The following PTPRD variants were observed in gnomAD, a reference collection of about 807,000 sequenced individuals.
PTPRD encodes the protein protein tyrosine phosphatase receptor type D, also known as receptor-type tyrosine-protein phosphatase delta.
PTPRD carries 34 observed loss-of-function variants against 214.5 expected under a neutral mutation model. That is an observed-to-expected ratio of 0.16 (90% CI 0.12 to 0.21). The LOEUF (loss-of-function observed/expected upper bound fraction) is 0.21. PTPRD is among the 10% of genes least tolerant of loss of function. The pLI is 1.00. For synonymous variants in PTPRD, 1,128 were observed against 845.7 expected (o/e 1.33, Z -5.79); for missense variants, 2,545 against 2,398.7 (o/e 1.06, Z -1.27).
At chr9:8,504,990 A>G (rs1358349645) in intron 22 of PTPRD, among the ~76,000 whole-genome samples, 3 of 152,186 alleles carry the variant, frequency 2.0e-5, no homozygotes. Flanking sequence ...AGAAAGTTGA[A>G]TAATTTATCT....
At chr9:8,454,331 G>C (rs76775660) in intron 33 of PTPRD, among the ~76,000 whole-genome samples, 186 of 152,298 alleles carry the variant, frequency 1.2e-3, no homozygotes, top group Non-Finnish European at 2.1e-3. Context: ...ACAAAACTCA[G>C]ATATTGGTTT....
At chr9:10,443,375 T>A (rs1426260776) in intron 2 of PTPRD, among the ~76,000 whole-genome samples, 1 of 151,618 alleles carries the variant, frequency 6.6e-6, no homozygotes, top group Non-Finnish European at 1.5e-5. Context: ...TAACTTCACA[T>A]AGCCTGCAAG....
At chr9:10,437,199 G>A (rs1002325937) in intron 2 of PTPRD, among the ~76,000 whole-genome samples, 1 of 151,720 alleles carries the variant, frequency 6.6e-6, no homozygotes, top group Non-Finnish European at 1.5e-5. Flanking sequence ...AATGGTTTTG[G>A]AATCCACATT....
chr9:10,202,275 A>T (rs1179066438), intron 3 of PTPRD, among the ~76,000 whole-genome samples: 1 of 152,026 alleles, frequency 6.6e-6, no homozygotes, highest in Non-Finnish European at 1.5e-5. Context: ...CAGTCATAGC[A>T]TCCTCAGATT....
At chr9:10,497,432 C>T (rs1321906219) in intron 2 of PTPRD, among the ~76,000 whole-genome samples, 1 of 151,906 alleles carries the variant, frequency 6.6e-6, no homozygotes, top group African/African-American at 2.4e-5. Flanking sequence ...GCCTTTAATA[C>T]ATTGTTTGGT....
At chr9:10,213,286 C>T (rs967130805) in intron 3 of PTPRD, among the ~76,000 whole-genome samples, 12 of 152,054 alleles carry the variant, frequency 7.9e-5, no homozygotes, top group Admixed American at 2.6e-4. Context: ...TTATAACAAT[C>T]TACTCCTGAA....
chr9:10,430,902 G>C (rs187605272), intron 2 of PTPRD, among the ~76,000 whole-genome samples: 2 of 151,892 alleles, frequency 1.3e-5, no homozygotes, highest in East Asian at 1.9e-4. Context: ...AAAATGCTTT[G>C]ATTATATGGA....
At chr9:8,871,440 G>A (rs1280377170) in intron 11 of PTPRD, among the ~76,000 whole-genome samples, 1 of 152,122 alleles carries the variant, frequency 6.6e-6, no homozygotes, top group Non-Finnish European at 1.5e-5. Context: ...AACATCTTTA[G>A]AAAATGAAAT....
chr9:8,538,906 A>G (rs2077640980), intron 14 of PTPRD, among the ~76,000 whole-genome samples: 1 of 151,862 alleles, frequency 6.6e-6, no homozygotes, highest in Non-Finnish European at 1.5e-5. Context: ...CCTTAGAGAA[A>G]TCACTGATTC....
intron 5 of PTPRD, among the ~76,000 whole-genome samples, chr9:9,911,158 T>C (rs2079073512): frequency 6.6e-6 from 1 of 152,024 alleles, no homozygotes; most frequent in African/African-American, 2.4e-5. Context: ...AACAAGGCTT[T>C]CACATTTCTA....
At chr9:9,330,382 T>C (rs1323371568) in intron 9 of PTPRD, among the ~76,000 whole-genome samples, 2 of 152,172 alleles carry the variant, frequency 1.3e-5, no homozygotes, top group Non-Finnish European at 2.9e-5. Context: ...CGCAGACTTT[T>C]TAAAATAAGG....
chr9:8,497,477 T>C (rs961858864), intron 25 of PTPRD, among the ~76,000 whole-genome samples: 3 of 152,178 alleles, frequency 2.0e-5, no homozygotes, highest in African/African-American at 7.2e-5. Flanking sequence ...CTGTTATCAC[T>C]AAAACCAGCT....
intron 19 of PTPRD, among the ~76,000 whole-genome samples, chr9:8,521,830 A>T (rs1447253356): frequency 6.6e-6 from 1 of 152,222 alleles, no homozygotes; most frequent in Non-Finnish European, 1.5e-5. Flanking sequence ...ACAAACTAAC[A>T]ATACACAAAC....
chr9:10,238,410 A>T (rs2099636194), intron 3 of PTPRD, among the ~76,000 whole-genome samples: 6 of 151,922 alleles, frequency 3.9e-5, no homozygotes, highest in Admixed American at 3.3e-4. Context: ...CTTTCAGAAC[A>T]ATATGTAACA....
chr9:9,906,028 G>C (rs574449150), intron 5 of PTPRD, among the ~76,000 whole-genome samples: 1 of 152,056 alleles, frequency 6.6e-6, no homozygotes, highest in Admixed American at 6.6e-5. Flanking sequence ...AAGTACAGCT[G>C]AGAAGCATGT....
At chr9:8,666,843 C>A (rs912950302) in intron 12 of PTPRD, among the ~76,000 whole-genome samples, 1 of 152,150 alleles carries the variant, frequency 6.6e-6, no homozygotes, top group African/African-American at 2.4e-5. Context: ...TCACTTTGGC[C>A]ATCCATGACC....
chr9:8,389,304 G>C lies in PTPRD; in HGVS notation c.4314C>G (p.Asp1438Glu), dbSNP rs1416079686. ...GTTGTTCCCATATCATTCTCCAAAA[G>C]TCCCCAAATGTTTCGGGGAGAGATC... ...TQGSLPETFG[D>E]FWRMIWEQRS... Residue 1438 changes from aspartate (D) to glutamate (E), a missense_variant, in exon 37 of 46, where the codon GAC (aspartate) becomes GAG (glutamate). By Grantham distance (45) the Asp-to-Glu change is conservative (BLOSUM62 2). Coordinates refer to ENST00000381196, the MANE Select transcript of PTPRD (RefSeq NM_002839.4). 3 of 1,612,978 alleles carry C rather than the reference G, an allele frequency of 1.9e-6. No individual in the cohort carries two copies. The highest frequency in any genetic ancestry group is 3.3e-5 in the Admixed American group (2 of 59,930).
chr9:9,167,207 T>G (rs1232444036), intron 10 of PTPRD, among the ~76,000 whole-genome samples: 1 of 148,760 alleles, frequency 6.7e-6, no homozygotes, highest in Admixed American at 6.7e-5. Context: ...CCTATCAGAT[T>G]GCATTTTTTT....
intron 8 of PTPRD, among the ~76,000 whole-genome samples, chr9:9,516,704 A>C (rs1415597729): frequency 6.6e-6 from 1 of 151,788 alleles, no homozygotes; most frequent in South Asian, 2.1e-4. Context: ...CACCCAGTTA[A>C]TTTTTGTATT....
Sources: allele counts gnomAD v4.1 joint callset (sites outside exome capture counted in the v4.1 genomes callset), GRCh38; gene constraint gnomAD v4.1.1; transcripts MANE v1.5; gene names NCBI Gene and HGNC (gene_info 2026-07-23, HGNC 2026-07-21).